BBS9: variants seen among roughly 807,000 people sequenced by gnomAD.
The protein encoded by BBS9 is Bardet-Biedl syndrome 9, also known as protein PTHB1.
Under a neutral mutation model 117.7 loss-of-function variants are expected in BBS9, and 89 were observed. The observed-to-expected ratio is 0.76, with a 90% CI of 0.64 to 0.90. The LOEUF (loss-of-function observed/expected upper bound fraction) is 0.90. BBS9 is among the 40% of genes least tolerant of loss of function. The pLI is 0.00. For synonymous variants in BBS9, 379 were observed against 370.9 expected, an observed-to-expected ratio of 1.02 and a Z score of -0.25; for missense variants, 982 against 1,042.2, an observed-to-expected ratio of 0.94 and a Z score of 0.80.
At chr7:33,259,620 C>T (rs575612309) in intron 6 of BBS9, among the ~76,000 whole-genome samples, 12 of 152,046 alleles carry the variant, frequency 7.9e-5, no homozygotes, top group African/African-American at 1.7e-4. Context: ...AGTGAACCTT[C>T]TGCCTTGGCT....
intron 5 of BBS9, among the ~76,000 whole-genome samples, chr7:33,193,677 A>T (rs115438182): frequency 6.6e-6 from 1 of 152,118 alleles, no homozygotes; most frequent in Non-Finnish European, 1.5e-5. Context: ...TGGAGAAGAC[A>T]TGGGGAGGAA....
At chr7:33,492,806 G>T (rs1040951732) in intron 19 of BBS9, among the ~76,000 whole-genome samples, 1 of 118,090 alleles carries the variant, frequency 8.5e-6, no homozygotes, top group Admixed American at 1.0e-4. Context: ...TCTAGTATAG[G>T]AGTGAGTGTG....
At chr7:33,553,025 C>T (rs1854693067) in intron 21 of BBS9, among the ~76,000 whole-genome samples, 1 of 152,110 alleles carries the variant, frequency 6.6e-6, no homozygotes, top group East Asian at 1.9e-4. Context: ...TTTGCATATG[C>T]TGTTCACTTT....
At chr7:33,303,690 G>T (rs954880877) in intron 9 of BBS9, among the ~76,000 whole-genome samples, 2 of 151,988 alleles carry the variant, frequency 1.3e-5, no homozygotes, top group African/African-American at 4.8e-5. Context: ...TGTATTTTTG[G>T]TGGAGACGGG....
chr7:33,305,883 T>G (rs1345114426), intron 9 of BBS9, among the ~76,000 whole-genome samples: 1 of 152,068 alleles, frequency 6.6e-6, no homozygotes, highest in Non-Finnish European at 1.5e-5. Context: ...TTGTATTGTG[T>G]TCTTCATTTT....
chr7:33,546,784 C>A (rs901110697), intron 21 of BBS9, among the ~76,000 whole-genome samples: 3 of 152,192 alleles, frequency 2.0e-5, no homozygotes, highest in African/African-American at 4.8e-5. Flanking sequence ...ATTCCCTGGT[C>A]CTCCTCCTGG....
intron 17 of BBS9, among the ~76,000 whole-genome samples, chr7:33,368,108 A>G (rs1822141843): frequency 6.6e-6 from 1 of 152,176 alleles, no homozygotes; most frequent in South Asian, 2.1e-4. Flanking sequence ...TCAGATATGT[A>G]ACTGATATAT....
rs147667192 is a variant in BBS9, at chr7:33,326,765, A to G, written c.1017-9676A>G. 3.8e-4 allele frequency among the ~76,000 whole-genome samples: 58 copies of G among 152,002 alleles called. 1 individual carries two copies. The highest frequency in any genetic ancestry group is 1.3e-3 in the African/African-American group (55 of 41,468). ...TTCCCTTCTGGCCCAGGGTATGTTTAGAAATGTCATCTAGGAGCTAGGGCT... is the reference window on the plus strand; with the variant it reads ...TTCCCTTCTGGCCCAGGGTATGTTTGGAAATGTCATCTAGGAGCTAGGGCT... On this transcript the variant is annotated intron_variant, in intron 9 of 22. Coordinates refer to ENST00000242067, the MANE Select transcript of BBS9 (RefSeq NM_198428.3).
At chr7:33,226,762 A>G (rs1683575283) in intron 5 of BBS9, among the ~76,000 whole-genome samples, 1 of 152,212 alleles carries the variant, frequency 6.6e-6, no homozygotes, top group African/African-American at 2.4e-5. Context: ...TGGAGATATT[A>G]TGTTAAGTGA....
intron 20 of BBS9, among the ~76,000 whole-genome samples, chr7:33,509,101 A>G (rs1249237670): frequency 1.3e-5 from 2 of 152,246 alleles, no homozygotes; most frequent in South Asian, 2.1e-4. Flanking sequence ...GGAGTCATTA[A>G]TGAGACAAAA....
chr7:33,213,233 G>A (rs1788370361), intron 5 of BBS9, among the ~76,000 whole-genome samples: 1 of 152,186 alleles, frequency 6.6e-6, no homozygotes, highest in Admixed American at 6.5e-5. Context: ...TCTTTCCACA[G>A]GTAGAGGAGC....
At chr7:33,252,270 C>T (rs1449483696) in intron 5 of BBS9, among the ~76,000 whole-genome samples, 1 of 152,178 alleles carries the variant, frequency 6.6e-6, no homozygotes, top group African/African-American at 2.4e-5. Flanking sequence ...CCAGGCTCCA[C>T]CTCCAACATT....
chr7:33,564,653 A>G (rs1045794202), intron 21 of BBS9, among the ~76,000 whole-genome samples: 2 of 152,192 alleles, frequency 1.3e-5, no homozygotes, highest in Non-Finnish European at 2.9e-5. Context: ...AAGATTACAT[A>G]AATTCTTGGC....
chr7:33,340,301 A>T (rs1371210072), intron 10 of BBS9, among the ~76,000 whole-genome samples: 1 of 152,182 alleles, frequency 6.6e-6, no homozygotes. Context: ...GCTTTTTAAA[A>T]GTTAATAGAT....
intron 19 of BBS9, among the ~76,000 whole-genome samples, chr7:33,495,475 T>C (rs1844580784): frequency 6.6e-6 from 1 of 152,218 alleles, no homozygotes; most frequent in Non-Finnish European, 1.5e-5. Flanking sequence ...TTGTAGATGT[T>C]GTTTTTGGAG....
chr7:33,341,107 T>A, intron 11 of BBS9, 134 bp downstream of exon 11: 1 of 734,008 alleles, frequency 1.4e-6, no homozygotes, highest in South Asian at 1.6e-5. Flanking sequence ...GTAGGCCTTG[T>A]TATTTTCTAG....
intron 7 of BBS9, among the ~76,000 whole-genome samples, chr7:33,272,584 T>TATACATAA (rs1799980922): frequency 6.6e-6 from 1 of 152,204 alleles, no homozygotes; most frequent in Non-Finnish European, 1.5e-5. Context: ...TAGAATATTC[T>TATACATAA]GCTATACTCT....
chr7:33,512,568 A>G (rs541321773), intron 20 of BBS9, among the ~76,000 whole-genome samples: 46 of 152,350 alleles, frequency 3.0e-4, no homozygotes, highest in Non-Finnish European at 5.0e-4. Context: ...CAACTTCATA[A>G]TGCTTACCAA....
At chr7:33,390,194 G>A (rs75884882) in intron 19 of BBS9, 1 of 961,302 alleles carries the variant, frequency 1.0e-6, no homozygotes, top group South Asian at 4.8e-5. Context: ...GAGGCTGAAG[G>A]TATGGTCAAC....
Sources: allele counts gnomAD v4.1 joint callset (sites outside exome capture counted in the v4.1 genomes callset), GRCh38; gene constraint gnomAD v4.1.1; transcripts MANE v1.5; gene names NCBI Gene and HGNC (gene_info 2026-07-23, HGNC 2026-07-21).